SLC25A48: variants seen among roughly 807,000 people sequenced by gnomAD.
SLC25A48 encodes the protein solute carrier family 25 member 48.
SLC25A48 carries 29 observed loss-of-function variants against 32.2 expected under a neutral mutation model. The ratio of observed to expected loss-of-function variants is 0.90; its 90% CI spans 0.67 to 1.23. SLC25A48 has a LOEUF of 1.23. Ranked by LOEUF, SLC25A48 falls within the 50% of genes most tolerant of loss-of-function variation. The pLI, the probability that SLC25A48 is intolerant of heterozygous loss-of-function variation, is 0.00. For synonymous variants in SLC25A48, 164 were observed against 172.3 expected (o/e 0.95, Z 0.38); for missense variants, 399 against 422.7 (o/e 0.94, Z 0.49).
chr5:135,637,848 TTTGTTG>T (rs576697310), intron 3 of SLC25A48, among the ~76,000 whole-genome samples: 8 of 151,982 alleles, frequency 5.3e-5, no homozygotes, highest in East Asian at 1.9e-4. Context: ...TTGGGCTGTA[TTTGTTG>T]TTGTTGTTGT....
chr5:135,587,198 T>C (rs1176468372), intron 1 of SLC25A48, among the ~76,000 whole-genome samples: 2 of 152,092 alleles, frequency 1.3e-5, no homozygotes, highest in Admixed American at 6.6e-5. Context: ...CCTTGGCTAG[T>C]TTTTAAATTT....
chr5:135,818,449 C>G (rs563153426), intron 4 of SLC25A48, among the ~76,000 whole-genome samples: 3 of 152,310 alleles, frequency 2.0e-5, no homozygotes, highest in African/African-American at 7.2e-5. Context: ...GTGCACACAT[C>G]TTTTTATCCT....
At chr5:135,686,273 T>C (rs1754019162) in intron 3 of SLC25A48, among the ~76,000 whole-genome samples, 1 of 152,192 alleles carries the variant, frequency 6.6e-6, no homozygotes. Context: ...AACAGTTATT[T>C]CTGTGGGTTG....
At chr5:135,763,114 G>T (rs956259143) in intron 3 of SLC25A48, among the ~76,000 whole-genome samples, 4 of 152,124 alleles carry the variant, frequency 2.6e-5, no homozygotes, top group African/African-American at 9.7e-5. Flanking sequence ...CATCCAGGAA[G>T]AAAAAGACAG....
At chr5:135,734,659 CA>C (rs879815737) in intron 3 of SLC25A48, among the ~76,000 whole-genome samples, 2 of 151,102 alleles carry the variant, frequency 1.3e-5, no homozygotes, top group Admixed American at 1.3e-4. Flanking sequence ...ACTAAAAATA[CA>C]AAAAAAATTA....
intron 3 of SLC25A48, among the ~76,000 whole-genome samples, chr5:135,804,913 A>G (rs10062107): frequency 0.65 from 98,010 of 151,086 alleles, 34,046 homozygotes; most frequent in Non-Finnish European, 0.78. Context: ...TATCTGTAAT[A>G]TCCCAGGGAG....
At chr5:135,786,614 A>G (rs976832960) in intron 3 of SLC25A48, among the ~76,000 whole-genome samples, 7 of 151,882 alleles carry the variant, frequency 4.6e-5, no homozygotes, top group Admixed American at 3.9e-4. Context: ...TACACAATGT[A>G]CGGTTACCCC....
intron 3 of SLC25A48, among the ~76,000 whole-genome samples, chr5:135,675,471 A>T (rs544218348): frequency 6.2e-4 from 94 of 152,020 alleles, no homozygotes; most frequent in Non-Finnish European, 1.2e-3. Flanking sequence ...TCCTTTCACC[A>T]GTGTATGTTC....
chr5:135,591,513 T>C (rs368709126), intron 1 of SLC25A48, among the ~76,000 whole-genome samples: 2 of 152,236 alleles, frequency 1.3e-5, no homozygotes, highest in East Asian at 3.8e-4. Context: ...TGGACAGTTC[T>C]GACTCACCTC....
intron 2 of SLC25A48, among the ~76,000 whole-genome samples, chr5:135,633,026 T>C (rs1752612838): frequency 6.6e-6 from 1 of 152,190 alleles, no homozygotes; most frequent in Non-Finnish European, 1.5e-5. Context: ...TGGCAGTGGC[T>C]TCAGGTTATG....
chr5:135,741,497 G>C (rs1431728877), intron 3 of SLC25A48, among the ~76,000 whole-genome samples: 1 of 152,156 alleles, frequency 6.6e-6, no homozygotes, highest in East Asian at 1.9e-4. Context: ...CAGCACTTTG[G>C]GAGGCCAAGG....
At chr5:135,645,721 G>A (rs899894785) in intron 3 of SLC25A48, among the ~76,000 whole-genome samples, 10 of 152,154 alleles carry the variant, frequency 6.6e-5, no homozygotes, top group Admixed American at 1.3e-4. Context: ...TCCTTCAGTG[G>A]CTCATGTTTT....
chr5:135,654,034 G>T (rs1384224812), intron 3 of SLC25A48: 4 of 410,128 alleles, frequency 9.8e-6, no homozygotes, highest in Non-Finnish European at 2.0e-5. Flanking sequence ...GGCAGCCAGA[G>T]AGCCACAGCC....
chr5:135,766,045 C>G (rs1306165564), intron 3 of SLC25A48, among the ~76,000 whole-genome samples: 1 of 151,402 alleles, frequency 6.6e-6, no homozygotes. Context: ...TGCACCTCCC[C>G]CAAGGATATG....
At chr5:135,834,029 G>T (rs550507921), upstream of SLC25A48, among the ~76,000 whole-genome samples, 65 of 152,324 alleles carry the variant, frequency 4.3e-4, no homozygotes, top group African/African-American at 1.5e-3. Flanking sequence ...GGGGCTTCGA[G>T]TCTTCTTAGG....
chr5:135,801,836 A>G (rs967153206), intron 3 of SLC25A48, among the ~76,000 whole-genome samples: 10 of 151,470 alleles, frequency 6.6e-5, no homozygotes, highest in Admixed American at 1.3e-4. Flanking sequence ...CCTCTATCAT[A>G]TTGTTCGTAT....
chr5:135,776,278 G>C (rs954095526), intron 3 of SLC25A48, among the ~76,000 whole-genome samples: 1 of 145,492 alleles, frequency 6.9e-6, no homozygotes, highest in East Asian at 2.3e-4. Context: ...GGGGGTGGGG[G>C]GCAGAGAGAA....
chr5:135,645,643 A>G (rs1489748693), intron 3 of SLC25A48, among the ~76,000 whole-genome samples: 2 of 152,176 alleles, frequency 1.3e-5, no homozygotes, highest in African/African-American at 4.8e-5. Flanking sequence ...TCTGCTGCTC[A>G]TGATTGAAAT....
chr5:135,665,686 C>T (rs925254450), intron 3 of SLC25A48, among the ~76,000 whole-genome samples: 25 of 151,914 alleles, frequency 1.6e-4, no homozygotes, highest in Non-Finnish European at 3.2e-4. Flanking sequence ...GGTGTCCTTT[C>T]CCCAGTTTAT....
Sources: gnomAD v4.1 joint callset for allele counts (sites outside exome capture counted in the v4.1 genomes callset) on GRCh38, gnomAD v4.1.1 for gene constraint, MANE v1.5 for transcripts, NCBI Gene and HGNC (gene_info 2026-07-23, HGNC 2026-07-21) for gene names.